The following GPM6A variants were observed in gnomAD, a reference collection of about 807,000 sequenced individuals.
GPM6A encodes the protein neuronal membrane glycoprotein M6-a.
In GPM6A, 7 loss-of-function variants were observed where a neutral mutation model predicts 32.1. The observed-to-expected ratio is 0.22, with a 90% CI of 0.12 to 0.41. The LOEUF (loss-of-function observed/expected upper bound fraction) is 0.41, where lower values mean the gene tolerates loss of function less well. GPM6A is among the 10% of genes least tolerant of loss of function. GPM6A has a pLI of 1.00. For synonymous variants in GPM6A, 130 were observed against 123.4 expected (o/e 1.05, Z -0.35); for missense variants, 235 against 347.2 (o/e 0.68, Z 2.57).
chr4:175,898,731 C>A (rs1737867759), intron 1 of GPM6A, among the ~76,000 whole-genome samples: 2 of 152,110 alleles, frequency 1.3e-5, no homozygotes, highest in East Asian at 3.8e-4. Flanking sequence ...CCAAAATATT[C>A]CAAACTGACT....
chr4:175,752,448 T>C (rs1732373246), intron 1 of GPM6A, among the ~76,000 whole-genome samples: 1 of 152,130 alleles, frequency 6.6e-6, no homozygotes, highest in Admixed American at 6.6e-5. Context: ...TGCCTAATTA[T>C]TGTCTCCTGG....
intron 1 of GPM6A, among the ~76,000 whole-genome samples, chr4:175,796,703 G>T (rs1451151749): frequency 2.0e-5 from 3 of 152,162 alleles, no homozygotes; most frequent in African/African-American, 7.2e-5. Flanking sequence ...ATTTAGGAGT[G>T]ATATTTACAT....
chr4:175,731,055 T>C lies in GPM6A; in HGVS notation c.38-29288A>G, dbSNP rs1007371091. 5.3e-5 allele frequency among the ~76,000 whole-genome samples: 8 copies of C among 152,284 alleles called. No homozygotes were observed. In the East Asian group the frequency reaches 1.5e-3, roughly 29 times the overall value. ...CTTAGTGGGTCTGATTGCATCTCCATTGGCCCATTTCTATCAGAAGACGTT... is the reference window on the plus strand; with the variant it reads ...CTTAGTGGGTCTGATTGCATCTCCACTGGCCCATTTCTATCAGAAGACGTT... On this transcript the variant is annotated intron_variant, in intron 1 of 6. Coordinates refer to ENST00000393658, the MANE Select transcript of GPM6A (RefSeq NM_201591.3).
At chr4:175,856,783 C>T (rs561959188) in intron 1 of GPM6A, among the ~76,000 whole-genome samples, 77 of 152,262 alleles carry the variant, frequency 5.1e-4, no homozygotes, top group African/African-American at 1.6e-3. Flanking sequence ...CATTCAGATG[C>T]TTCTTCTCTT....
At chr4:175,791,936 C>T (rs1462460190) in intron 1 of GPM6A, among the ~76,000 whole-genome samples, 2 of 152,056 alleles carry the variant, frequency 1.3e-5, no homozygotes, top group Non-Finnish European at 2.9e-5. Flanking sequence ...CAAATTGATG[C>T]TTTGATACCA....
At chr4:175,864,817 CT>C (rs1324136547) in intron 1 of GPM6A, among the ~76,000 whole-genome samples, 1 of 151,276 alleles carries the variant, frequency 6.6e-6, no homozygotes, top group Non-Finnish European at 1.5e-5. Context: ...TCATTTTTTT[CT>C]TTTTTCTTCT....
chr4:175,888,200 A>G (rs1235169286), intron 1 of GPM6A, among the ~76,000 whole-genome samples: 2 of 152,038 alleles, frequency 1.3e-5, no homozygotes, highest in East Asian at 3.8e-4. Context: ...ATACAGATTT[A>G]AGACAAAAAT....
At chr4:175,936,137 C>T (rs1053402992) in intron 1 of GPM6A, among the ~76,000 whole-genome samples, 2 of 151,198 alleles carry the variant, frequency 1.3e-5, no homozygotes, top group Non-Finnish European at 1.5e-5. Context: ...AACCCCGTCT[C>T]TACTAAAAAT....
rs183075835 is a variant in GPM6A, at chr4:175,647,539, T to G, written c.541+4295A>C. On this transcript the variant is annotated intron_variant, in intron 4 of 6. Transcript: ENST00000393658. Reference sequence around the variant, plus strand: ...TTAGAACTGTTCGAAATGCATAAATTTATTACATGCATGGGAATGAACAGT... The same window carrying G: ...TTAGAACTGTTCGAAATGCATAAATGTATTACATGCATGGGAATGAACAGT... Among the ~76,000 whole-genome samples the G allele has an allele frequency of 3.3e-5, 5 of 152,258 alleles. No homozygotes were observed. The East Asian group carries it at 9.7e-4, about 29-fold the overall frequency.
chr4:175,918,533 T>G (rs1416026031), intron 1 of GPM6A, among the ~76,000 whole-genome samples: 1 of 152,116 alleles, frequency 6.6e-6, no homozygotes, highest in African/African-American at 2.4e-5. Flanking sequence ...ACAAATGAAT[T>G]CTGGAAAATA....
At chr4:175,808,711 T>C (rs915976958) in intron 1 of GPM6A, 3 of 152,326 alleles carry the variant, frequency 2.0e-5, no homozygotes, top group Admixed American at 1.3e-4. Context: ...GTGGTTGATA[T>C]GGACAGCACA....
chr4:175,821,929 T>C (rs1735289820), intron 1 of GPM6A, among the ~76,000 whole-genome samples: 1 of 152,094 alleles, frequency 6.6e-6, no homozygotes, highest in Non-Finnish European at 1.5e-5. Flanking sequence ...ATTTATTTCC[T>C]CTGTTTTACT....
chr4:175,731,112 C>A (rs1452789683), intron 1 of GPM6A, among the ~76,000 whole-genome samples: 3 of 152,130 alleles, frequency 2.0e-5, no homozygotes, highest in Admixed American at 2.0e-4. Context: ...CCAATTTATG[C>A]TTACTTGCTA....
chr4:175,948,350 T>C (rs969234931), intron 1 of GPM6A, among the ~76,000 whole-genome samples: 22 of 152,140 alleles, frequency 1.4e-4, no homozygotes, highest in Non-Finnish European at 2.6e-4. Context: ...GATTTTTCTT[T>C]CCTTCATAGA....
Position 175,735,019 on chromosome 4 carries a change from C to T in GPM6A, c.38-33252G>A, listed in dbSNP as rs549997016. 1.1e-4 allele frequency among the ~76,000 whole-genome samples: 16 copies of T among 152,170 alleles called. No individual in the cohort carries two copies. The South Asian group carries it at 2.3e-3, about 22-fold the overall frequency. ...TGCTTACTTTATAAATGTCATGAAA[C>T]CATATTTGTCTTTGTTCAGAACAGT... On this transcript the variant is annotated intron_variant, in intron 1 of 6. Coordinates refer to ENST00000393658, the MANE Select transcript of GPM6A (RefSeq NM_201591.3).
At chr4:175,883,377 T>A (rs1430252361) in intron 1 of GPM6A, among the ~76,000 whole-genome samples, 3 of 152,104 alleles carry the variant, frequency 2.0e-5, no homozygotes, top group Non-Finnish European at 4.4e-5. Context: ...TAACCAAATA[T>A]TCAAAACCAA....
intron 1 of GPM6A, among the ~76,000 whole-genome samples, chr4:175,722,505 C>A (rs540746455): frequency 3.9e-5 from 6 of 152,138 alleles, no homozygotes; most frequent in Non-Finnish European, 8.8e-5. Flanking sequence ...AAATCCACCA[C>A]GGATCGCGGC....
At chr4:175,754,871 A>C (rs977390928) in intron 1 of GPM6A, among the ~76,000 whole-genome samples, 7 of 152,054 alleles carry the variant, frequency 4.6e-5, no homozygotes, top group Non-Finnish European at 8.8e-5. Flanking sequence ...ACAAAGTGAA[A>C]TATTCATTGA....
At chr4:175,801,398 A>G (rs1298139650) in intron 1 of GPM6A, among the ~76,000 whole-genome samples, 1 of 152,054 alleles carries the variant, frequency 6.6e-6, no homozygotes, top group Non-Finnish European at 1.5e-5. Flanking sequence ...CATTTTGTAG[A>G]TAAAAAGTGT....
Sources: allele counts gnomAD v4.1 joint callset (sites outside exome capture counted in the v4.1 genomes callset), GRCh38; gene constraint gnomAD v4.1.1; transcripts MANE v1.5; gene names NCBI Gene and HGNC (gene_info 2026-07-23, HGNC 2026-07-21).